The following DLG2 variants were observed in gnomAD, a reference collection of about 807,000 sequenced individuals.
The protein encoded by DLG2 is discs large MAGUK scaffold protein 2, also known as disks large homolog 2.
DLG2 carries 45 observed loss-of-function variants against 132.5 expected under a neutral mutation model. The ratio of observed to expected loss-of-function variants is 0.34; its 90% CI spans 0.27 to 0.44. The LOEUF is 0.44. DLG2 is among the 20% of genes least tolerant of loss of function. The probability of loss-of-function intolerance (pLI) is 1.00; values close to 1 mark genes in which losing one functional copy is unlikely to be tolerated. For missense variants in DLG2, 1,045 were observed against 1,196.9 expected (o/e 0.87, Z 1.87); for synonymous variants, 424 against 419.6 (o/e 1.01, Z -0.13).
At chr11:84,943,263 G>T (rs113610626) in intron 6 of DLG2, among the ~76,000 whole-genome samples, 1 of 150,766 alleles carries the variant, frequency 6.6e-6, no homozygotes, top group Non-Finnish European at 1.5e-5. Flanking sequence ...TTCAACATTC[G>T]TAGTGATAAG....
chr11:85,247,851 T>A (rs142687498), intron 4 of DLG2, among the ~76,000 whole-genome samples: 2 of 152,038 alleles, frequency 1.3e-5, no homozygotes, highest in African/African-American at 4.8e-5. Flanking sequence ...CTTCTGTTGA[T>A]CCTTCTATTT....
chr11:84,356,793 A>C (rs1384355612), intron 7 of DLG2, among the ~76,000 whole-genome samples: 1 of 152,028 alleles, frequency 6.6e-6, no homozygotes, highest in African/African-American at 2.4e-5. Flanking sequence ...TGAACATAGA[A>C]AGAGGAAATT....
chr11:85,237,556 A>G (rs1176361124), intron 4 of DLG2, among the ~76,000 whole-genome samples: 1 of 152,014 alleles, frequency 6.6e-6, no homozygotes, highest in African/African-American at 2.4e-5. Flanking sequence ...ATAAAATCCT[A>G]AATCCCTCCA....
chr11:84,594,897 A>C (rs1419754921), intron 6 of DLG2, among the ~76,000 whole-genome samples: 1 of 152,180 alleles, frequency 6.6e-6, no homozygotes, highest in Non-Finnish European at 1.5e-5. Flanking sequence ...GGTTTAAAGC[A>C]AACCTCCTAC....
At chr11:83,702,128 T>G (rs2083062575) in intron 18 of DLG2, among the ~76,000 whole-genome samples, 1 of 152,234 alleles carries the variant, frequency 6.6e-6, no homozygotes, top group Admixed American at 6.5e-5. Flanking sequence ...GGGATCAGGA[T>G]ATCTCAGCAA....
intron 19 of DLG2, among the ~76,000 whole-genome samples, chr11:83,610,689 A>G (rs2059989217): frequency 6.6e-6 from 1 of 152,182 alleles, no homozygotes; most frequent in South Asian, 2.1e-4. Flanking sequence ...AATAATAATA[A>G]TAATAAATAA....
intron 6 of DLG2, among the ~76,000 whole-genome samples, chr11:84,935,879 G>A (rs1566445846): frequency 6.6e-6 from 1 of 152,160 alleles, no homozygotes; most frequent in Non-Finnish European, 1.5e-5. Context: ...TATCTTCAGA[G>A]TAAAACCTCC....
chr11:85,512,957 G>A (rs942794340), intron 3 of DLG2, among the ~76,000 whole-genome samples: 1 of 151,990 alleles, frequency 6.6e-6, no homozygotes, highest in Non-Finnish European at 1.5e-5. Context: ...CCCATCAACA[G>A]TAAACTGGAC....
chr11:84,332,614 G>C (rs1297987467), intron 7 of DLG2, among the ~76,000 whole-genome samples: 2 of 151,342 alleles, frequency 1.3e-5, no homozygotes, highest in African/African-American at 2.4e-5. Flanking sequence ...AAAGTGCTGG[G>C]ATTAAAGGCG....
intron 10 of DLG2, among the ~76,000 whole-genome samples, chr11:84,063,543 T>C (rs1489988193): frequency 6.6e-6 from 1 of 152,172 alleles, no homozygotes; most frequent in African/African-American, 2.4e-5. Flanking sequence ...CTAAATATTT[T>C]CTGCAGTGTG....
chr11:83,571,531 G>A (rs892330190), intron 19 of DLG2, among the ~76,000 whole-genome samples: 1 of 149,248 alleles, frequency 6.7e-6, no homozygotes, highest in Non-Finnish European at 1.5e-5. Flanking sequence ...GAATTTGTAA[G>A]GATTAAATTA....
intron 6 of DLG2, among the ~76,000 whole-genome samples, chr11:84,999,088 A>T (rs1206213850): frequency 2.6e-5 from 4 of 151,956 alleles, no homozygotes; most frequent in Non-Finnish European, 4.4e-5. Flanking sequence ...CTTGGTCCCA[A>T]TTCCAAATAT....
chr11:85,582,393 G>A (rs566699755), intron 3 of DLG2, among the ~76,000 whole-genome samples: 9 of 152,132 alleles, frequency 5.9e-5, no homozygotes, highest in Admixed American at 1.3e-4. Flanking sequence ...TAAAACATAA[G>A]AGTGGGTGGC....
intron 7 of DLG2, among the ~76,000 whole-genome samples, chr11:84,334,687 G>T (rs1279784482): frequency 6.6e-6 from 1 of 152,158 alleles, no homozygotes; most frequent in African/African-American, 2.4e-5. Context: ...TTACAGCATT[G>T]TATCAGCTAG....
chr11:85,377,959 C>G (rs906777709), intron 3 of DLG2, among the ~76,000 whole-genome samples: 1 of 151,312 alleles, frequency 6.6e-6, no homozygotes, highest in Admixed American at 6.6e-5. Flanking sequence ...GAGATTTGTA[C>G]AGAAAGAAAT....
intron 15 of DLG2, among the ~76,000 whole-genome samples, chr11:83,880,166 C>G (rs1044148289): frequency 6.6e-6 from 1 of 152,050 alleles, no homozygotes; most frequent in Non-Finnish European, 1.5e-5. Flanking sequence ...GGTCTTACAC[C>G]TGTTGGCAAT....
chr11:84,400,348 C>A (rs1343329579), intron 7 of DLG2, among the ~76,000 whole-genome samples: 1 of 152,156 alleles, frequency 6.6e-6, no homozygotes. Context: ...TCATTCCTGT[C>A]TTACAAAAGA....
intron 3 of DLG2, among the ~76,000 whole-genome samples, chr11:85,463,227 T>A (rs2092674467): frequency 6.6e-6 from 1 of 152,196 alleles, no homozygotes; most frequent in Non-Finnish European, 1.5e-5. Context: ...GGATACATTA[T>A]CTCTTTTATG....
intron 6 of DLG2, among the ~76,000 whole-genome samples, chr11:85,075,031 C>A (rs2066344526): frequency 6.6e-6 from 1 of 151,736 alleles, no homozygotes; most frequent in South Asian, 2.1e-4. Context: ...GAGAAAATAG[C>A]AACAGGCAAT....
Sources: gnomAD v4.1 joint callset for allele counts (sites outside exome capture counted in the v4.1 genomes callset) on GRCh38, gnomAD v4.1.1 for gene constraint, MANE v1.5 for transcripts, NCBI Gene and HGNC (gene_info 2026-07-23, HGNC 2026-07-21) for gene names.